The following HECTD2 variants were observed in gnomAD, a reference collection of about 807,000 sequenced individuals.
HECTD2 encodes the protein HECT domain E3 ubiquitin protein ligase 2.
Under a neutral mutation model 103.2 loss-of-function variants are expected in HECTD2, and 35 were observed. The ratio of observed to expected loss-of-function variants is 0.34; its 90% CI spans 0.26 to 0.45. HECTD2 has a LOEUF of 0.45. HECTD2 is among the 20% of genes least tolerant of loss of function. HECTD2 has a pLI of 1.00. For synonymous variants in HECTD2, 281 were observed against 329.9 expected (o/e 0.85, Z 1.61); for missense variants, 596 against 937.4 (o/e 0.64, Z 4.76).
At chr10:91,434,920 A>G (rs1844051331) in intron 2 of HECTD2, among the ~76,000 whole-genome samples, 1 of 152,028 alleles carries the variant, frequency 6.6e-6, no homozygotes, top group African/African-American at 2.4e-5. Flanking sequence ...GCATTTAAAA[A>G]GTAATTCTAT....
At chr10:91,476,845 C>T (rs1288933327) in intron 5 of HECTD2, among the ~76,000 whole-genome samples, 1 of 152,162 alleles carries the variant, frequency 6.6e-6, no homozygotes, top group East Asian at 1.9e-4. Context: ...TCGTCTTGAT[C>T]CTAGCAAAGA....
At chr10:91,426,210 T>C (rs1843553297) in intron 2 of HECTD2, among the ~76,000 whole-genome samples, 1 of 152,084 alleles carries the variant, frequency 6.6e-6, no homozygotes. Context: ...TGTGTATATA[T>C]TATTAATGTT....
chr10:91,496,445 C>T (rs951182644), intron 15 of HECTD2, 73 bp downstream of exon 15: 3 of 993,984 alleles, frequency 3.0e-6, no homozygotes, highest in South Asian at 1.7e-5. Flanking sequence ...AGTCTCTCCT[C>T]CTAATGCTAT....
At chr10:91,492,206 G>C (rs1359450100) in intron 12 of HECTD2, 146 bp from the exon 13 acceptor site, 10 of 748,212 alleles carry the variant, frequency 1.3e-5, no homozygotes, top group Non-Finnish European at 2.2e-5. Context: ...ACAGTGTCTG[G>C]CAGATTTATT....
At position 91,423,296 on chromosome 10, in the gene HECTD2, A is replaced by G. The variant is rs535024714; in HGVS notation, c.139-1985A>G. Among the ~76,000 whole-genome samples the G allele has an allele frequency of 2.6e-5, 4 of 152,264 alleles. No individual in the cohort carries two copies. In the South Asian group the frequency reaches 8.3e-4, roughly 32 times the overall value. On this transcript the variant is annotated intron_variant, in intron 1 of 20. Coordinates refer to ENST00000298068, the MANE Select transcript of HECTD2 (RefSeq NM_182765.6). ...TCTGTGAACATGGGCATGGAAATTCAATTTCCCCATCTATAAAATGGGGTG... is the reference window on the plus strand; with the variant it reads ...TCTGTGAACATGGGCATGGAAATTCGATTTCCCCATCTATAAAATGGGGTG...
intron 1 of HECTD2, among the ~76,000 whole-genome samples, chr10:91,417,181 A>T (rs1265552703): frequency 1.3e-5 from 2 of 152,118 alleles, no homozygotes; most frequent in East Asian, 3.9e-4. Context: ...TGAGTGAAGA[A>T]TCCCTTCTTG....
chr10:91,425,148 A>C, intron 1 of HECTD2, 133 bp from the exon 2 acceptor site: 1 of 698,476 alleles, frequency 1.4e-6, no homozygotes, highest in Non-Finnish European at 2.1e-6. Flanking sequence ...AGGTAAGTCA[A>C]ATTTATATAC....
chr10:91,464,889 C>T (rs548855346), intron 5 of HECTD2, among the ~76,000 whole-genome samples: 9 of 152,186 alleles, frequency 5.9e-5, no homozygotes, highest in African/African-American at 2.2e-4. Flanking sequence ...ATTAAATATA[C>T]AGATATGAGG....
intron 2 of HECTD2, among the ~76,000 whole-genome samples, chr10:91,431,782 TA>T (rs1433052064): frequency 6.6e-6 from 1 of 152,092 alleles, no homozygotes; most frequent in Admixed American, 6.5e-5. Context: ...TATATTCTTC[TA>T]AAATTTTTTC....
chr10:91,458,526 A>G (rs1845208928), intron 2 of HECTD2, among the ~76,000 whole-genome samples: 1 of 152,024 alleles, frequency 6.6e-6, no homozygotes, highest in South Asian at 2.1e-4. Context: ...CCTGGTTTTT[A>G]TTATATAGCT....
intron 1 of HECTD2, among the ~76,000 whole-genome samples, chr10:91,421,181 C>G (rs1197169684): frequency 6.6e-6 from 1 of 152,140 alleles, no homozygotes; most frequent in Non-Finnish European, 1.5e-5. Flanking sequence ...CTCAGCTGTC[C>G]TCAAGATTCA....
intron 18 of HECTD2, among the ~76,000 whole-genome samples, chr10:91,499,519 A>G (rs1200705484): frequency 6.6e-6 from 1 of 152,186 alleles, no homozygotes. Context: ...ATTAAGGAAC[A>G]TATGTATAGC....
intron 7 of HECTD2, among the ~76,000 whole-genome samples, chr10:91,482,426 G>A (rs1194934038): frequency 6.6e-6 from 1 of 151,868 alleles, no homozygotes; most frequent in East Asian, 1.9e-4. Flanking sequence ...GAAGCTGTAT[G>A]TGTTTCTCCC....
At chr10:91,499,731 T>C (rs957511097) in intron 18 of HECTD2, among the ~76,000 whole-genome samples, 4 of 152,148 alleles carry the variant, frequency 2.6e-5, no homozygotes, top group African/African-American at 4.8e-5. Context: ...CAGCACACAC[T>C]TTCATCATGC....
chr10:91,451,307 T>C (rs1844815705), intron 2 of HECTD2, among the ~76,000 whole-genome samples: 1 of 151,788 alleles, frequency 6.6e-6, no homozygotes, highest in Admixed American at 6.6e-5. Context: ...CACTCATAAG[T>C]GGGAGTTGAA....
In HECTD2 at chr10:91,425,504, T is replaced by G. The variant is rs1843523038; in HGVS notation, c.268+94T>G. ...TTATTCAGCATTGTTCTGATAGGTCTAGTTAATACAACAAAAAGAAGCTGT... is the reference window on the plus strand; with the variant it reads ...TTATTCAGCATTGTTCTGATAGGTCGAGTTAATACAACAAAAAGAAGCTGT... On this transcript the variant is annotated intron_variant, in intron 2 of 20. Coordinates refer to ENST00000298068, the MANE Select transcript of HECTD2 (RefSeq NM_182765.6). 3.4e-6 allele frequency: 3 copies of G among 870,334 alleles called. No individual in the cohort carries two copies. The African/African-American group carries it at 5.3e-5, about 15-fold the overall frequency. 53.9% of individuals were successfully genotyped at this position (870,334 alleles called of 1,614,324 possible). A position where few individuals can be genotyped will look rare whatever the true frequency, so the allele number is the denominator to read the frequency against.
In HECTD2 at chr10:91,514,510, G is replaced by T. The variant is rs1286354090; in HGVS notation, c.*2126G>T. On this transcript the variant is annotated 3_prime_UTR_variant, in exon 21 of 21. Coordinates refer to ENST00000298068, the MANE Select transcript of HECTD2 (RefSeq NM_182765.6). ...TAATTTAAAAAGCTAGAAAATTCAT[G>T]TAGTTACTTTTTTTACATATATAAT... The T allele has an allele frequency of 6.6e-6, 1 of 152,554 alleles. No individual in the cohort carries two copies. The highest frequency in any genetic ancestry group is 1.5e-5 in the Non-Finnish European group (1 of 67,988). The allele number at this position is 152,554 out of a possible 1,614,324, so 9.5% of individuals were successfully genotyped here. A position where few individuals can be genotyped will look rare whatever the true frequency, so the allele number is the denominator to read the frequency against.
chr10:91,510,714 T>G (rs1026816298), intron 20 of HECTD2, among the ~76,000 whole-genome samples: 1 of 152,202 alleles, frequency 6.6e-6, no homozygotes, highest in Non-Finnish European at 1.5e-5. Context: ...AAAAATATAT[T>G]AAAAAACTGA....
At chr10:91,417,657 T>C (rs946484062) in intron 1 of HECTD2, among the ~76,000 whole-genome samples, 1 of 152,094 alleles carries the variant, frequency 6.6e-6, no homozygotes, top group African/African-American at 2.4e-5. Flanking sequence ...AGAATGATGG[T>C]TTCCAGCTTC....
Sources: allele counts gnomAD v4.1 joint callset (sites outside exome capture counted in the v4.1 genomes callset), GRCh38; gene constraint gnomAD v4.1.1; transcripts MANE v1.5; gene names NCBI Gene and HGNC (gene_info 2026-07-23, HGNC 2026-07-21).